The following TINF2 variants were observed in gnomAD, a reference collection of about 807,000 sequenced individuals.
TINF2 encodes the protein TERF1 interacting nuclear factor 2, also known as TERF1-interacting nuclear factor 2.
TINF2 carries 27 observed loss-of-function variants against 50.4 expected under a neutral mutation model. The ratio of observed to expected loss-of-function variants is 0.54; its 90% CI spans 0.40 to 0.74. The LOEUF (loss-of-function observed/expected upper bound fraction) is 0.74, where lower values mean the gene tolerates loss of function less well. Ranked by LOEUF, TINF2 falls within the 30% of genes least tolerant of loss-of-function variation. The pLI, the probability that TINF2 is intolerant of heterozygous loss-of-function variation, is 0.00. For synonymous variants in TINF2, 223 were observed against 214.6 expected (o/e 1.04, Z -0.34); for missense variants, 496 against 551.5 (o/e 0.90, Z 1.01).
At position 24,240,057 on chromosome 14, in the gene TINF2, C is replaced by T. The variant is rs2138995449; in HGVS notation, c.1221+7G>A. ...CCTTTCCCAGCTTTCTGCTCCTTCC[C>T]ACTCACCTTTCCTTCCCCCTGGCCA... On this transcript the variant is annotated splice_region_variant and intron_variant, in intron 8 of 8. Coordinates refer to ENST00000267415, the MANE Select transcript of TINF2 (RefSeq NM_001099274.3). 1 of 1,614,140 alleles carries T rather than the reference C, an allele frequency of 6.2e-7. No individual in the cohort carries two copies. Among genetic ancestry groups the T allele is most frequent in the Non-Finnish European group, 8.5e-7 (1 of 1,180,032 alleles).
intron 3 of TINF2, 167 bp downstream of exon 3, chr14:24,241,508 T>A: frequency 1.3e-6 from 1 of 798,926 alleles, no homozygotes; most frequent in Non-Finnish European, 2.1e-6. Flanking sequence ...TCCCAGCTAC[T>A]CGGGAGGCTG....
At chr14:24,240,949 C>T (rs1036121872) in intron 5 of TINF2, 71 bp downstream of exon 5, 7 of 1,613,834 alleles carry the variant, frequency 4.3e-6, no homozygotes, top group Middle Eastern at 1.6e-4. Context: ...TGCCCGGAGC[C>T]CATGGAACTA....
At chr14:24,241,550 G>C (rs2040578903) in intron 3 of TINF2, 125 bp downstream of exon 3, 1 of 875,130 alleles carries the variant, frequency 1.1e-6, no homozygotes, top group Non-Finnish European at 1.8e-6. Flanking sequence ...CCGGGAGGCA[G>C]AGGTTGCAGT....
In TINF2 at chr14:24,240,673, C is replaced by T; in HGVS notation, c.807G>A (p.Gln269=). 1 of 1,614,158 alleles carries T rather than the reference C, an allele frequency of 6.2e-7. No homozygotes were observed. Among genetic ancestry groups the T allele is most frequent in the Non-Finnish European group, 8.5e-7 (1 of 1,180,018 alleles). The change falls in exon 6 of 9, where the codon CAG becomes CAA. Residue 269 remains glutamine (Q), a synonymous_variant. Transcript: ENST00000267415. ...CTCCCCTAGTGGAGGCCCATTGGGACTGAACTCTTCGTCGGCCTAGAGGGG... is the reference window on the plus strand; with the variant it reads ...CTCCCCTAGTGGAGGCCCATTGGGATTGAACTCTTCGTCGGCCTAGAGGGG... ...NLAPLGRRRV[Q]SQWASTRGGH... is the part of the protein sequence containing the mutation.
At position 24,242,226 on chromosome 14, in the gene TINF2, T is replaced by G. The variant is rs768146987; in HGVS notation, c.107A>C (p.Glu36Ala). Residue 36 changes from glutamate (E) to alanine (A), a missense_variant, in exon 1 of 9, where the codon GAG (glutamate) becomes GCG (alanine). Transcript: ENST00000267415. Reference sequence around the variant, plus strand: ...AACAGCGCGCAGAGATCGCAGAAACTCCAGTACTCGCGGAAAATGTTCCAC... The same window carrying G: ...AACAGCGCGCAGAGATCGCAGAAACGCCAGTACTCGCGGAAAATGTTCCAC... ...RCVEHFPRVL[E>A]FLRSLRAVAP... 6.2e-7 allele frequency: 1 copy of G among 1,614,122 alleles called. No individual in the cohort carries two copies. The highest frequency in any genetic ancestry group is 1.7e-5 in the Admixed American group (1 of 60,032).
chr14:24,240,205 C>T, intron 7 of TINF2, 50 bp from the exon 8 acceptor site: 1 of 1,614,066 alleles, frequency 6.2e-7, no homozygotes, highest in Non-Finnish European at 8.5e-7. Context: ...TGAACACAGG[C>T]TCTTGAGAGT....
chr14:24,241,172 C>A (rs772048134), intron 4 of TINF2, 32 bp downstream of exon 4: 1 of 1,614,178 alleles, frequency 6.2e-7, no homozygotes, highest in South Asian at 1.1e-5. Context: ...CCACCCCACA[C>A]TCTGCCCTTA....
chr14:24,242,185 G>T lies in TINF2; in HGVS notation c.148C>A (p.Arg50Ser). 1 of 1,614,230 alleles carries T rather than the reference G, an allele frequency of 6.2e-7. No homozygotes were observed. The highest frequency in any genetic ancestry group is 8.5e-7 in the Non-Finnish European group (1 of 1,180,032). The change falls in exon 1 of 9, where the codon CGC (arginine) becomes AGC (serine). Residue 50 changes from arginine to serine, a missense_variant. Around this residue, in one of 3 missense-constraint regions of TINF2, gnomAD observed 314 missense variants for 343.8 expected, o/e 0.91. Coordinates refer to ENST00000267415, the MANE Select transcript of TINF2 (RefSeq NM_001099274.3). ...SLRAVAPGLV[R>S]YRHHERLCMG... ...CAAAGGCGTTCGTGGTGCCGGTAGC[G>T]AACCAAGCCAGGGGCAACAGCGCGC...
intron 4 of TINF2, 26 bp from the exon 5 acceptor site, chr14:24,241,142 G>T: frequency 6.2e-7 from 1 of 1,614,126 alleles, no homozygotes; most frequent in South Asian, 1.1e-5. Context: ...GAGGTATGAA[G>T]ACCACAATCC....
chr14:24,241,211 G>A lies in TINF2; in HGVS notation c.500C>T (p.Ala167Val), dbSNP rs562843857. The change falls in exon 4 of 9, where the codon GCA becomes GTA. Residue 167 changes from alanine (A) to valine (V), a missense_variant. Coordinates refer to ENST00000267415, the MANE Select transcript of TINF2 (RefSeq NM_001099274.3). The stretch of plus-strand genomic sequence containing the variant: ...GTTTTGCCCCAGCGAAACCTGCTGT[G>A]CCTGCGGTGTAGGCAGTGCTTTCTC... ...QLEKALPTPQAQQLQDVLSWM... is the reference protein window; with the variant it reads ...QLEKALPTPQVQQLQDVLSWM... 10 of 1,614,202 alleles carry A rather than the reference G, an allele frequency of 6.2e-6. No homozygotes were observed. In the African/African-American group the frequency reaches 1.3e-4, roughly 22 times the overall value.
chr14:24,241,641 A>C, intron 3 of TINF2, 34 bp downstream of exon 3: 1 of 1,564,452 alleles, frequency 6.4e-7, no homozygotes, highest in Admixed American at 1.8e-5. Flanking sequence ...GGTTAGAGAA[A>C]ATAGCCACAT....
intron 2 of TINF2, 31 bp from the exon 3 acceptor site, chr14:24,241,807 GC>G: frequency 6.2e-7 from 1 of 1,613,280 alleles, no homozygotes. Flanking sequence ...AGAGAAGTTA[GC>G]ACCAACATCC....
In TINF2 at chr14:24,242,158, T is replaced by C. The variant is rs541404640; in HGVS notation, c.175A>G (p.Met59Val). 2.5e-6 allele frequency: 4 copies of C among 1,614,254 alleles called. No individual in the cohort carries two copies. The highest frequency in any genetic ancestry group is 2.5e-6 in the Non-Finnish European group (3 of 1,180,032). ...TCCAATACCTTGGCCTTTAGGCCCA[T>C]ACAAAGGCGTTCGTGGTGCCGGTAG... ...VRYRHHERLC[M>V]GLKAKVVVEL... The change falls in exon 1 of 9, where the codon ATG (methionine) becomes GTG (valine). Residue 59 changes from methionine to valine, a missense_variant. Coordinates refer to ENST00000267415, the MANE Select transcript of TINF2 (RefSeq NM_001099274.3).
Position 24,239,734 on chromosome 14 carries a change from TA to T in TINF2, c.*62del. ...CAAGCCTGGACTTCCACTTCATTCC[TA>T]CTAAACTACTTGCAGAGCTGAGGAG... is the stretch of plus-strand genomic sequence containing the variant. On this transcript the variant is annotated 3_prime_UTR_variant, in exon 9 of 9. Transcript: ENST00000267415. 1 of 1,613,910 alleles carries T rather than the reference TA, an allele frequency of 6.2e-7. No homozygotes were observed. The highest frequency in any genetic ancestry group is 8.5e-7 in the Non-Finnish European group (1 of 1,179,962).
In TINF2 at chr14:24,240,603, G is replaced by A; in HGVS notation, c.877C>T (p.Leu293Phe). The change falls in exon 6 of 9, where the codon CTC becomes TTC. Residue 293 changes from leucine to phenylalanine, a missense_variant. Leu to Phe is a conservative substitution (Grantham distance 22). Transcript: ENST00000267415. ...PTVMLFPFRN[L>F]GSPTQVISKP... The stretch of plus-strand genomic sequence containing the variant: ...GATATGACCTGGGTTGGTGAGCCGA[G>A]ATTCCTAAAGGGAAACAGCATGACT... 6.2e-7 allele frequency: 1 copy of A among 1,614,188 alleles called. No individual in the cohort carries two copies. Among genetic ancestry groups the A allele is most frequent in the Non-Finnish European group, 8.5e-7 (1 of 1,180,040 alleles).
intron 7 of TINF2, 42 bp downstream of exon 7, chr14:24,240,221 A>G (rs757622323): frequency 5.6e-6 from 9 of 1,613,978 alleles, no homozygotes; most frequent in African/African-American, 2.7e-5. Flanking sequence ...AGAGTCCCCA[A>G]GAGAGGAGGC....
rs923041111 is a variant in TINF2 at position 24,240,653 on chromosome 14, C to T, written c.827G>A (p.Arg276Lys). The T allele has an allele frequency of 2.5e-6, 4 of 1,614,040 alleles. No individual in the cohort carries two copies. The highest frequency in any genetic ancestry group is 1.3e-5 in the African/African-American group (1 of 74,910). Residue 276 changes from arginine (R) to lysine (K), a missense_variant, in exon 6 of 9, where the codon AGG (arginine) becomes AAG (lysine). Physicochemically the swap from Arg to Lys is conservative, Grantham distance 26. Transcript: ENST00000267415. ...TGTGGGGCGCTCCTTATGGCCTCCCCTAGTGGAGGCCCATTGGGACTGAAC... is the reference window on the plus strand; with the variant it reads ...TGTGGGGCGCTCCTTATGGCCTCCCTTAGTGGAGGCCCATTGGGACTGAAC... Reference protein sequence around the residue: ...RRVQSQWASTRGGHKERPTVM... With the variant: ...RRVQSQWASTKGGHKERPTVM...
In TINF2 at chr14:24,239,795, T is replaced by C. The variant is rs778337836; in HGVS notation, c.*2A>G. ...TAGAGTACAGAGAGCATTTTAGTTC[T>C]ATCACAAAGGTCTAGAACTGTCTCT... is the stretch of plus-strand genomic sequence containing the variant. On this transcript the variant is annotated 3_prime_UTR_variant, in exon 9 of 9. Transcript: ENST00000267415. 20 of 1,614,206 alleles carry C rather than the reference T, an allele frequency of 1.2e-5. No homozygotes were observed. Among genetic ancestry groups the C allele is most frequent in the Non-Finnish European group, 1.4e-5 (17 of 1,180,030 alleles).
downstream of TINF2, chr14:24,239,641 T>G: frequency 6.5e-7 from 1 of 1,532,578 alleles, no homozygotes; most frequent in Non-Finnish European, 8.7e-7. Context: ...ATCAAGGCAG[T>G]ATTTTAACAA....
Sources: gnomAD v4.1 joint callset for allele counts on GRCh38, gnomAD v4.1.1 for gene constraint, gnomAD v4.1.1 regional missense constraint, MANE v1.5 for transcripts, NCBI Gene and HGNC (gene_info 2026-07-23, HGNC 2026-07-21) for gene names.